GFOD1: variants seen among roughly 807,000 people sequenced by gnomAD.
The protein encoded by GFOD1 is Gfo/Idh/MocA-like oxidoreductase domain containing 1, also known as glucose-fructose oxidoreductase domain-containing protein 1.
In GFOD1, 9 loss-of-function variants were observed where a neutral mutation model predicts 25.4. That is an observed-to-expected ratio of 0.35 (90% CI 0.21 to 0.62). GFOD1 has a LOEUF of 0.62. Among genes scored for constraint, GFOD1 ranks in the 20% least tolerant of loss-of-function variants. GFOD1 has a pLI of 0.72. For missense variants in GFOD1, 403 were observed against 556.9 expected, an observed-to-expected ratio of 0.72 and a Z score of 2.78; for synonymous variants, 253 against 245.6, an observed-to-expected ratio of 1.03 and a Z score of -0.28.
intron 1 of GFOD1, chr6:13,469,802 T>A (rs989838579): frequency 3.6e-6 from 4 of 1,115,768 alleles, no homozygotes; most frequent in Non-Finnish European, 4.7e-6. Flanking sequence ...ATTTCTCACT[T>A]GTAAGATGGA....
At chr6:13,369,524 T>C (rs1785108179) in intron 1 of GFOD1, among the ~76,000 whole-genome samples, 1 of 152,110 alleles carries the variant, frequency 6.6e-6, no homozygotes, top group Non-Finnish European at 1.5e-5. Flanking sequence ...AAGCCAGGCG[T>C]GGTGATGCAT....
chr6:13,378,544 G>A (rs543722769), intron 1 of GFOD1, among the ~76,000 whole-genome samples: 1 of 152,332 alleles, frequency 6.6e-6, no homozygotes, highest in East Asian at 1.9e-4. Flanking sequence ...TGGGACAACT[G>A]AAAGATTATT....
chr6:13,469,711 C>A, intron 1 of GFOD1: 1 of 1,183,950 alleles, frequency 8.4e-7, no homozygotes. Flanking sequence ...TTAGACATAT[C>A]TATATTTCAG....
intron 1 of GFOD1, among the ~76,000 whole-genome samples, chr6:13,452,986 G>A (rs745987195): frequency 1.3e-5 from 2 of 152,180 alleles, no homozygotes; most frequent in Non-Finnish European, 2.9e-5. Context: ...TGGATGTTAC[G>A]TACCATCCCT....
chr6:13,432,000 C>T (rs543313703), intron 1 of GFOD1, among the ~76,000 whole-genome samples: 1 of 152,302 alleles, frequency 6.6e-6, no homozygotes, highest in South Asian at 2.1e-4. Context: ...TGCCTCTACT[C>T]TGTTAACACA....
intron 1 of GFOD1, among the ~76,000 whole-genome samples, chr6:13,434,365 A>C (rs1757798714): frequency 6.8e-6 from 1 of 147,570 alleles, no homozygotes; most frequent in Non-Finnish European, 1.5e-5. Context: ...CATTATGGGA[A>C]CACAGGAATC....
At chr6:13,434,525 A>G (rs1275576223) in intron 1 of GFOD1, among the ~76,000 whole-genome samples, 3 of 151,688 alleles carry the variant, frequency 2.0e-5, no homozygotes, top group African/African-American at 7.3e-5. Context: ...GGAACACAGA[A>G]GTCAAGTGCA....
intron 1 of GFOD1, among the ~76,000 whole-genome samples, chr6:13,475,380 C>T (rs1000856026): frequency 6.6e-6 from 1 of 151,764 alleles, no homozygotes; most frequent in African/African-American, 2.4e-5. Flanking sequence ...TTGAGACCAG[C>T]CTGACCAACA....
intron 1 of GFOD1, among the ~76,000 whole-genome samples, chr6:13,407,159 T>A (rs1785961661): frequency 6.6e-6 from 1 of 152,060 alleles, no homozygotes; most frequent in Non-Finnish European, 1.5e-5. Context: ...AGACAGAGGA[T>A]CCTGGATCCC....
chr6:13,448,368 T>C (rs192455669), intron 1 of GFOD1, among the ~76,000 whole-genome samples: 107 of 152,262 alleles, frequency 7.0e-4, no homozygotes, highest in African/African-American at 2.4e-3. Context: ...CCATGGGATG[T>C]TCTGGAAGGG....
chr6:13,429,712 A>G (rs1757715337), intron 1 of GFOD1, among the ~76,000 whole-genome samples: 1 of 152,242 alleles, frequency 6.6e-6, no homozygotes, highest in South Asian at 2.1e-4. Flanking sequence ...GGCAAAGAGC[A>G]TCTTTCTTAA....
At chr6:13,390,942 G>A (rs186724365) in intron 1 of GFOD1, among the ~76,000 whole-genome samples, 15 of 152,230 alleles carry the variant, frequency 9.9e-5, no homozygotes, top group East Asian at 9.7e-4. Flanking sequence ...CTAGCTCAGC[G>A]GTTTTTAACC....
intron 1 of GFOD1, among the ~76,000 whole-genome samples, chr6:13,424,808 C>G (rs1288976370): frequency 1.3e-5 from 2 of 151,942 alleles, no homozygotes; most frequent in Non-Finnish European, 2.9e-5. Flanking sequence ...AATTATCCAT[C>G]CAATCTAGAG....
At chr6:13,428,637 C>G (rs1757688303) in intron 1 of GFOD1, among the ~76,000 whole-genome samples, 1 of 152,162 alleles carries the variant, frequency 6.6e-6, no homozygotes, top group Admixed American at 6.5e-5. Flanking sequence ...TCAACAGTTG[C>G]TATCTCCAGC....
At chr6:13,450,144 T>C (rs540453101) in intron 1 of GFOD1, among the ~76,000 whole-genome samples, 1 of 152,276 alleles carries the variant, frequency 6.6e-6, no homozygotes, top group Admixed American at 6.5e-5. Context: ...TGTGATTTTT[T>C]ACCCCTAGAC....
At position 13,360,922 on chromosome 6, in the gene GFOD1, T is replaced by TG. The variant is rs559362252; in HGVS notation, c.*3820dup. On this transcript the variant is annotated 3_prime_UTR_variant, in exon 2 of 2. Transcript: ENST00000379287. ...TGGAGGAGAAGATTAAGGATTTGAA[T>TG]GACCTCATTTCTGCCTAACAGTTGT... 2.8e-4 allele frequency: 125 copies of TG among 450,738 alleles called. 1 individual carries two copies. The highest frequency in any genetic ancestry group is 2.3e-3 in the African/African-American group (117 of 50,098). The allele number at this position is 450,738 out of a possible 1,614,324, so 27.9% of individuals were successfully genotyped here. A position where few individuals can be genotyped will look rare whatever the true frequency, so the allele number is the denominator to read the frequency against.
At chr6:13,439,866 C>T (rs1757887818) in intron 1 of GFOD1, among the ~76,000 whole-genome samples, 2 of 152,184 alleles carry the variant, frequency 1.3e-5, no homozygotes, top group African/African-American at 2.4e-5. Context: ...GACTGTTACA[C>T]CCTTGCTCTA....
At chr6:13,414,370 C>T (rs1786129608) in intron 1 of GFOD1, among the ~76,000 whole-genome samples, 1 of 152,222 alleles carries the variant, frequency 6.6e-6, no homozygotes, top group Non-Finnish European at 1.5e-5. Flanking sequence ...GCAGAGTCGG[C>T]CAGCGCCCTG....
rs564981348 is a variant in GFOD1, at chr6:13,407,823, T to C, written c.254-42161A>G. On this transcript the variant is annotated intron_variant, in intron 1 of 1. Transcript: ENST00000379287. ...GCCACTGGATTTCATCAGAAGAGAATTGCAAACACAAACCCTTTGTTTAAT... is the reference window on the plus strand; with the variant it reads ...GCCACTGGATTTCATCAGAAGAGAACTGCAAACACAAACCCTTTGTTTAAT... The C allele has an allele frequency of 6.3e-5, 22 of 347,066 alleles. No homozygotes were observed. The South Asian group carries it at 1.5e-3, about 24-fold the overall frequency. The allele number at this position is 347,066 out of a possible 1,614,324, so 21.5% of individuals were successfully genotyped here.
Sources: gnomAD v4.1 joint callset for allele counts (sites outside exome capture counted in the v4.1 genomes callset) on GRCh38, gnomAD v4.1.1 for gene constraint, MANE v1.5 for transcripts, NCBI Gene and HGNC (gene_info 2026-07-23, HGNC 2026-07-21) for gene names.